The following SVIL variants were observed in gnomAD, a reference collection of about 807,000 sequenced individuals.
SVIL encodes the protein archvillin.
Under a neutral mutation model 240.4 loss-of-function variants are expected in SVIL, and 101 were observed. The ratio of observed to expected loss-of-function variants is 0.42; its 90% CI spans 0.36 to 0.50. The LOEUF (loss-of-function observed/expected upper bound fraction) is 0.50, where lower values mean the gene tolerates loss of function less well. Ranked by LOEUF, SVIL falls within the 20% of genes least tolerant of loss-of-function variation. The pLI is 0.01. For synonymous variants in SVIL, 999 were observed against 1,100.0 expected (o/e 0.91, Z 1.82); for missense variants, 2,512 against 2,818.7 (o/e 0.89, Z 2.46).
Position 29,651,731 on chromosome 10 carries a change from G to A in SVIL, c.-201+6238C>T, listed in dbSNP as rs534246577. ...TTACTCCTCGGAGTTCTAGACACAC[G>A]TTCAACTGTCTGCCTAAGATTTGTT... On this transcript the variant is annotated intron_variant, in intron 3 of 35. Transcript: ENST00000375400. Among the ~76,000 whole-genome samples the A allele has an allele frequency of 3.4e-4, 52 of 151,216 alleles. No individual in the cohort carries two copies. The South Asian group carries it at 6.8e-3, about 20-fold the overall frequency.
intron 1 of SVIL, among the ~76,000 whole-genome samples, chr10:29,701,912 G>A (rs922953780): frequency 2.0e-5 from 3 of 152,106 alleles, no homozygotes; most frequent in African/African-American, 4.8e-5. Flanking sequence ...GGTGGCTCAC[G>A]CCTGTAATCC....
At chr10:29,614,132 A>T (rs2479687) in intron 1 of SVIL, among the ~76,000 whole-genome samples, 23,000 of 152,030 alleles carry the variant, frequency 0.15, 1,975 homozygotes, top group Middle Eastern at 0.24. Flanking sequence ...CATTTTTTTT[A>T]AAAAATTAAA....
At chr10:29,623,242 T>C (rs1463524308) in intron 1 of SVIL, among the ~76,000 whole-genome samples, 2 of 152,232 alleles carry the variant, frequency 1.3e-5, no homozygotes, top group Admixed American at 1.3e-4. Context: ...GCAAATCCAC[T>C]TCCTCTGGTC....
intron 29 of SVIL, among the ~76,000 whole-genome samples, chr10:29,476,240 T>C (rs1224206228): frequency 6.6e-6 from 1 of 152,236 alleles, no homozygotes; most frequent in East Asian, 1.9e-4. Flanking sequence ...AAATAGATTA[T>C]TGAGGAAAGA....
At chr10:29,618,363 A>G (rs1377722579) in intron 1 of SVIL, among the ~76,000 whole-genome samples, 1 of 152,198 alleles carries the variant, frequency 6.6e-6, no homozygotes, top group Non-Finnish European at 1.5e-5. Context: ...TGACTACAAC[A>G]GGCTGTTTGC....
At chr10:29,589,828 T>C (rs1956315834) in intron 1 of SVIL, among the ~76,000 whole-genome samples, 1 of 152,114 alleles carries the variant, frequency 6.6e-6, no homozygotes, top group Admixed American at 6.6e-5. Flanking sequence ...ATTTCCCACA[T>C]AATAGGCAAT....
chr10:29,662,396 GAAT>G (rs1002217601), intron 2 of SVIL, among the ~76,000 whole-genome samples: 8 of 152,074 alleles, frequency 5.3e-5, no homozygotes, highest in African/African-American at 1.9e-4. Flanking sequence ...TTAGCCACAG[GAAT>G]AATAATACCA....
chr10:29,501,826 A>AAC (rs1948921854), intron 17 of SVIL, among the ~76,000 whole-genome samples: 1 of 152,188 alleles, frequency 6.6e-6, no homozygotes, highest in Non-Finnish European at 1.5e-5. Flanking sequence ...ATTTCCAAGA[A>AAC]ACATCAAGTG....
At chr10:29,612,220 A>C (rs1311253286) in intron 1 of SVIL, among the ~76,000 whole-genome samples, 1 of 152,106 alleles carries the variant, frequency 6.6e-6, no homozygotes, top group African/African-American at 2.4e-5. Flanking sequence ...GAATAGGAGG[A>C]GCATGGACAG....
chr10:29,489,234 A>T (rs1181102529), intron 22 of SVIL, among the ~76,000 whole-genome samples: 1 of 152,248 alleles, frequency 6.6e-6, no homozygotes, highest in Non-Finnish European at 1.5e-5. Context: ...TCTGAAGGCA[A>T]AGTGATCAGC....
rs778804281 is a variant in SVIL, at chr10:29,550,578, G to C, written c.827+19C>G. On this transcript the variant is annotated intron_variant, in intron 6 of 37. Transcript: ENST00000355867. Reference sequence around the variant, plus strand: ...TATTGTCCTGCGTTCAGGGTGCTTAGCGTGGACTGGATGCTTACCTGGGTC... The same window carrying C: ...TATTGTCCTGCGTTCAGGGTGCTTACCGTGGACTGGATGCTTACCTGGGTC... The C allele has an allele frequency of 6.3e-7, 1 of 1,583,214 alleles. No individual in the cohort carries two copies. Among genetic ancestry groups the C allele is most frequent in the South Asian group, 1.1e-5 (1 of 87,130 alleles).
intron 1 of SVIL, among the ~76,000 whole-genome samples, chr10:29,734,638 G>A (rs974055930): frequency 6.6e-6 from 1 of 152,152 alleles, no homozygotes. Flanking sequence ...AACAGAAGAA[G>A]GGGGTGGAGG....
At chr10:29,668,434 A>G (rs1959498323) in intron 2 of SVIL, among the ~76,000 whole-genome samples, 1 of 152,222 alleles carries the variant, frequency 6.6e-6, no homozygotes, top group South Asian at 2.1e-4. Flanking sequence ...AAGTAAGCCA[A>G]GGTTACTGCT....
intron 1 of SVIL, among the ~76,000 whole-genome samples, chr10:29,584,905 T>C (rs762951656): frequency 3.3e-5 from 5 of 151,966 alleles, no homozygotes; most frequent in South Asian, 2.1e-4. Flanking sequence ...GGTGAGAAAA[T>C]ACATTAAAGA....
At position 29,457,721 on chromosome 10, in the gene SVIL, A is replaced by G. The variant is rs567897907; in HGVS notation, c.*526T>C. ...AACATTTCCAAACGTGTATGAAGATACATATTGGTGGCAGAGCTAATTCAA... is the reference window on the plus strand; with the variant it reads ...AACATTTCCAAACGTGTATGAAGATGCATATTGGTGGCAGAGCTAATTCAA... On this transcript the variant is annotated 3_prime_UTR_variant, in exon 38 of 38. Transcript: ENST00000355867. 1 of 152,802 alleles carries G rather than the reference A, an allele frequency of 6.5e-6. No individual in the cohort carries two copies. Among genetic ancestry groups the G allele is most frequent in the South Asian group, 2.1e-4 (1 of 4,830 alleles). The allele number at this position is 152,802 out of a possible 1,614,324, so 9.5% of individuals were successfully genotyped here. A position where few individuals can be genotyped will look rare whatever the true frequency, so the allele number is the denominator to read the frequency against.
At chr10:29,616,357 A>T (rs1957426292) in intron 1 of SVIL, among the ~76,000 whole-genome samples, 1 of 152,192 alleles carries the variant, frequency 6.6e-6, no homozygotes, top group Non-Finnish European at 1.5e-5. Context: ...TTTTTAAGAC[A>T]AAAGCGTGTA....
chr10:29,640,380 T>C (rs909290822), intron 3 of SVIL, among the ~76,000 whole-genome samples: 2 of 152,148 alleles, frequency 1.3e-5, no homozygotes, highest in Non-Finnish European at 2.9e-5. Context: ...CCTCAGTTGT[T>C]TCACTGAGTG....
intron 5 of SVIL, among the ~76,000 whole-genome samples, chr10:29,553,016 C>T (rs1336225570): frequency 6.6e-6 from 1 of 151,838 alleles, no homozygotes; most frequent in Non-Finnish European, 1.5e-5. Context: ...TGGAGTCTGG[C>T]CGTGTTGTCC....
At chr10:29,481,304 G>A (rs1325748278) in intron 28 of SVIL, among the ~76,000 whole-genome samples, 1 of 152,022 alleles carries the variant, frequency 6.6e-6, no homozygotes, top group Non-Finnish European at 1.5e-5. Flanking sequence ...AAGGAGACGG[G>A]ACAGGGAAGA....
Sources: gnomAD v4.1 joint callset for allele counts (sites outside exome capture counted in the v4.1 genomes callset) on GRCh38, gnomAD v4.1.1 for gene constraint, MANE v1.5 for transcripts, NCBI Gene and HGNC (gene_info 2026-07-23, HGNC 2026-07-21) for gene names.